The following MYO6 variants were observed in gnomAD, a reference collection of about 807,000 sequenced individuals.
MYO6 encodes the protein unconventional myosin-VI.
In MYO6, 74 loss-of-function variants were observed where a neutral mutation model predicts 178.7. That is an observed-to-expected ratio of 0.41 (90% CI 0.34 to 0.50). The LOEUF (loss-of-function observed/expected upper bound fraction) is 0.50, where lower values mean the gene tolerates loss of function less well. Among genes scored for constraint, MYO6 ranks in the 20% least tolerant of loss-of-function variants. The pLI is 0.09. For missense variants in MYO6, 1,330 were observed against 1,547.4 expected, an observed-to-expected ratio of 0.86 and a Z score of 2.36; for synonymous variants, 477 against 504.6, an observed-to-expected ratio of 0.95 and a Z score of 0.73.
At chr6:75,833,425 T>C (rs1165680016) in intron 6 of MYO6, among the ~76,000 whole-genome samples, 2 of 152,234 alleles carry the variant, frequency 1.3e-5, no homozygotes, top group Non-Finnish European at 2.9e-5. Context: ...AGAACTTTCA[T>C]CTTGGAAAAC....
At chr6:75,854,864 G>T (rs1775598370) in intron 11 of MYO6, among the ~76,000 whole-genome samples, 1 of 152,084 alleles carries the variant, frequency 6.6e-6, no homozygotes, top group African/African-American at 2.4e-5. Flanking sequence ...AGTGTAGTTT[G>T]CTTATAGGGT....
At position 75,907,573 on chromosome 6, in the gene MYO6, T is replaced by C. The variant is rs559816455; in HGVS notation, c.3177-32T>C. The stretch of plus-strand genomic sequence containing the variant: ...GTCAATGTTTTCTTCATGTTTCTGG[T>C]TTAAACATGCAAAAATGTGTAATAA... On this transcript the variant is annotated intron_variant, in intron 30 of 34. Transcript: ENST00000369977. 2.0e-6 allele frequency: 3 copies of C among 1,536,324 alleles called. No homozygotes were observed. In the Admixed American group the frequency reaches 5.0e-5, roughly 26 times the overall value.
Position 75,914,078 on chromosome 6 carries a change from C to G in MYO6, c.3455C>G (p.Ala1152Gly). 2 of 1,614,070 alleles carry G rather than the reference C, an allele frequency of 1.2e-6. No homozygotes were observed. Among genetic ancestry groups the G allele is most frequent in the Non-Finnish European group, 1.7e-6 (2 of 1,180,034 alleles). The change falls in exon 34 of 35, where the codon GCA becomes GGA. Residue 1152 changes from alanine to glycine, a missense_variant. By Grantham distance (60) the Ala-to-Gly change is moderately conservative (BLOSUM62 0). Around this residue, in one of 3 missense-constraint regions of MYO6, gnomAD observed 601 missense variants for 626.1 expected, o/e 0.96. Coordinates refer to ENST00000369977, the MANE Select transcript of MYO6 (RefSeq NM_004999.4). Reference sequence around the variant, plus strand: ...TGTGTAATAGCTCAGCAAAACCCAGCAGCTCAGATTCCTGCCAGGCAGCGG... The same window carrying G: ...TGTGTAATAGCTCAGCAAAACCCAGGAGCTCAGATTCCTGCCAGGCAGCGG... ...FLNNSPQQNP[A>G]AQIPARQREI...
rs747375619 is a variant in MYO6 at position 75,855,262 on chromosome 6, G to C, written c.1202G>C (p.Gly401Ala). ...TTRVMLTTAG[G>A]TKGTVIKVPL... ...AGAGTCATGCTAACAACAGCAGGGG[G>C]CACCAAAGGAACAGTTATAAAGTAA... The change falls in exon 12 of 35, where the codon GGC becomes GCC. Residue 401 changes from glycine to alanine, a missense_variant. Gly to Ala is a moderately conservative substitution (Grantham distance 60). Transcript: ENST00000369977. 3 of 1,613,526 alleles carry C rather than the reference G, an allele frequency of 1.9e-6. No individual in the cohort carries two copies. Among genetic ancestry groups the C allele is most frequent in the Non-Finnish European group, 1.7e-6 (2 of 1,179,636 alleles).
intron 11 of MYO6, 40 bp from the exon 12 acceptor site, chr6:75,855,099 A>AT: frequency 6.6e-7 from 1 of 1,505,840 alleles, no homozygotes; most frequent in South Asian, 1.2e-5. Flanking sequence ...TCTGGTTTAT[A>AT]TAATACTTAT....
At chr6:75,884,611 A>T (rs997388703) in intron 23 of MYO6, among the ~76,000 whole-genome samples, 7 of 152,218 alleles carry the variant, frequency 4.6e-5, no homozygotes, top group Non-Finnish European at 7.3e-5. Context: ...CTGGAGTTTT[A>T]TGATTACTCA....
intron 11 of MYO6, among the ~76,000 whole-genome samples, chr6:75,853,098 G>A (rs1420287472): frequency 6.6e-6 from 1 of 152,182 alleles, no homozygotes; most frequent in Non-Finnish European, 1.5e-5. Context: ...AAGATGCTGA[G>A]CATCTTTCTG....
At chr6:75,860,922 A>G in intron 14 of MYO6, 101 bp from the exon 15 acceptor site, 3 of 920,938 alleles carry the variant, frequency 3.3e-6, no homozygotes, top group Admixed American at 3.6e-5. Context: ...GTTTGTATAA[A>G]CCTTTGCATT....
chr6:75,846,371 G>A (rs530248721), intron 10 of MYO6, among the ~76,000 whole-genome samples: 4 of 151,910 alleles, frequency 2.6e-5, no homozygotes, highest in East Asian at 3.9e-4. Context: ...TTGTAAGCCC[G>A]ATATTTTTTA....
chr6:75,855,710 G>A (rs1009251799), intron 12 of MYO6, among the ~76,000 whole-genome samples: 1 of 152,114 alleles, frequency 6.6e-6, no homozygotes, highest in African/African-American at 2.4e-5. Flanking sequence ...TACAAATGAC[G>A]AGAAATAAGG....
chr6:75,833,207 C>G (rs189451428), intron 6 of MYO6, among the ~76,000 whole-genome samples: 3 of 152,296 alleles, frequency 2.0e-5, no homozygotes, highest in East Asian at 3.9e-4. Flanking sequence ...AGGCTGGTTT[C>G]GAATTTCTGG....
chr6:75,914,058 A>G lies in MYO6; in HGVS notation c.3440-5A>G, dbSNP rs756158492. 1 of 1,613,822 alleles carries G rather than the reference A, an allele frequency of 6.2e-7. No homozygotes were observed. Among genetic ancestry groups the G allele is most frequent in the Admixed American group, 1.7e-5 (1 of 60,018 alleles). On this transcript the variant is annotated splice_polypyrimidine_tract_variant and splice_region_variant and intron_variant, in intron 33 of 34. Transcript: ENST00000369977. ...TGGTATAACTTTCCTTGTTCTGTGT[A>G]ATAGCTCAGCAAAACCCAGCAGCTC...
intron 1 of MYO6, among the ~76,000 whole-genome samples, chr6:75,812,925 T>G (rs1333476201): frequency 6.6e-6 from 1 of 152,222 alleles, no homozygotes; most frequent in Non-Finnish European, 1.5e-5. Context: ...TGCAGTTATC[T>G]CTTCAATATA....
In MYO6 at chr6:75,854,968, A is replaced by G. The variant is rs1456657071; in HGVS notation, c.1079-171A>G. ...GGGAGGATCTTCTGTTGATCTTAGC[A>G]GTACGGGTGTTTGACAAGGATAGTG... is the stretch of plus-strand genomic sequence containing the variant. On this transcript the variant is annotated intron_variant, in intron 11 of 34. Transcript: ENST00000369977. Among the ~76,000 whole-genome samples, 8 of 152,188 alleles carry G rather than the reference A, an allele frequency of 5.3e-5. No homozygotes were observed. The East Asian group carries it at 1.2e-3, about 22-fold the overall frequency.
intron 30 of MYO6, 73 bp downstream of exon 30, chr6:75,898,484 G>A: frequency 1.5e-6 from 2 of 1,290,682 alleles, no homozygotes; most frequent in South Asian, 1.2e-5. Context: ...TTGATTATTT[G>A]GACCAGAACC....
At chr6:75,812,090 C>T (rs1303304376) in intron 1 of MYO6, among the ~76,000 whole-genome samples, 1 of 152,038 alleles carries the variant, frequency 6.6e-6, no homozygotes, top group Admixed American at 6.6e-5. Flanking sequence ...ACAATGATAG[C>T]TTACTGCAAC....
chr6:75,897,420 C>CT (rs1384158635), intron 29 of MYO6, among the ~76,000 whole-genome samples: 1 of 152,176 alleles, frequency 6.6e-6, no homozygotes, highest in African/African-American at 2.4e-5. Flanking sequence ...ATCTTGTTCT[C>CT]TGACTGTGCT....
At chr6:75,815,884 G>A (rs1018267780) in intron 1 of MYO6, among the ~76,000 whole-genome samples, 2 of 152,136 alleles carry the variant, frequency 1.3e-5, no homozygotes, top group South Asian at 4.1e-4. Context: ...GAAAAAATAA[G>A]TGCCTGTCAA....
chr6:75,783,576 A>G (rs1583059770), intron 1 of MYO6, among the ~76,000 whole-genome samples: 1 of 130,782 alleles, frequency 7.6e-6, no homozygotes. Context: ...TTTTTTTGCC[A>G]TTTAAAATAT....
Sources: allele counts gnomAD v4.1 joint callset (sites outside exome capture counted in the v4.1 genomes callset), GRCh38; gene constraint gnomAD v4.1.1; regional missense constraint gnomAD v4.1.1; transcripts MANE v1.5; gene names NCBI Gene and HGNC (gene_info 2026-07-23, HGNC 2026-07-21).